Variants in DLG1 observed in about 807,000 individuals in gnomAD.
DLG1 encodes discs large MAGUK scaffold protein 1.
A neutral mutation model predicts 123.4 loss-of-function variants in DLG1; 42 were observed. That is an observed-to-expected ratio of 0.34 (90% CI 0.27 to 0.44). The LOEUF (loss-of-function observed/expected upper bound fraction) is 0.44, where lower values mean the gene tolerates loss of function less well. Ranked by LOEUF, DLG1 falls within the 20% of genes least tolerant of loss-of-function variation. DLG1 has a pLI of 1.00. For missense variants in DLG1, 942 were observed against 1,082.6 expected (o/e 0.87, Z 1.82); for synonymous variants, 317 against 356.2 (o/e 0.89, Z 1.24).
chr3:197,201,423 C>T (rs1725677998), intron 4 of DLG1, among the ~76,000 whole-genome samples: 1 of 152,066 alleles, frequency 6.6e-6, no homozygotes, highest in Admixed American at 6.5e-5. Flanking sequence ...AAAGACTCCA[C>T]CAAAAAAACT....
chr3:197,246,923 G>A lies in DLG1; in HGVS notation c.318+35756C>T, dbSNP rs1431350543. 3.9e-5 allele frequency among the ~76,000 whole-genome samples: 6 copies of A among 152,122 alleles called. No individual in the cohort carries two copies. In the East Asian group the frequency reaches 5.8e-4, roughly 15 times the overall value. ...GTTCACATTCCCAGACTATTATAGCGGCCCTATGGATCATGCTTCTTTCTT... is the reference window on the plus strand; with the variant it reads ...GTTCACATTCCCAGACTATTATAGCAGCCCTATGGATCATGCTTCTTTCTT... On this transcript the variant is annotated intron_variant, in intron 4 of 24. Coordinates refer to ENST00000667157, the MANE Select transcript of DLG1 (RefSeq NM_001366207.1).
chr3:197,295,750 C>T (rs1777113249), intron 3 of DLG1, among the ~76,000 whole-genome samples: 1 of 152,198 alleles, frequency 6.6e-6, no homozygotes, highest in African/African-American at 2.4e-5. Flanking sequence ...ATATATCATT[C>T]AATTAGTGGC....
At chr3:197,207,060 C>T (rs182957093) in intron 4 of DLG1, among the ~76,000 whole-genome samples, 9 of 152,340 alleles carry the variant, frequency 5.9e-5, no homozygotes, top group African/African-American at 2.2e-4. Flanking sequence ...TGATGTATGG[C>T]TGCTTTCTAG....
At chr3:197,084,793 G>GAT (rs1195718897) in intron 16 of DLG1, among the ~76,000 whole-genome samples, 2 of 150,752 alleles carry the variant, frequency 1.3e-5, no homozygotes, top group African/African-American at 4.9e-5. Context: ...TATAGATATA[G>GAT]ATATAGATAT....
chr3:197,136,447 T>C, intron 10 of DLG1, 95 bp downstream of exon 10: 2 of 994,382 alleles, frequency 2.0e-6, no homozygotes, highest in Non-Finnish European at 2.9e-6. Flanking sequence ...TTAAACATCA[T>C]TTAGACCTTT....
chr3:197,291,959 GA>G (rs894184260), intron 3 of DLG1, among the ~76,000 whole-genome samples: 2 of 152,068 alleles, frequency 1.3e-5, no homozygotes, highest in South Asian at 2.1e-4. Context: ...AAAAAGAAAG[GA>G]AAAAAATTAA....
chr3:197,049,341 C>CCAA (rs1341699619), intron 24 of DLG1, among the ~76,000 whole-genome samples: 1 of 152,070 alleles, frequency 6.6e-6, no homozygotes, highest in Admixed American at 6.5e-5. Flanking sequence ...AAACAAAAAG[C>CCAA]CAACAACAAC....
intron 4 of DLG1, among the ~76,000 whole-genome samples, chr3:197,254,471 T>A (rs917462903): frequency 1.3e-5 from 2 of 152,232 alleles, no homozygotes; most frequent in African/African-American, 2.4e-5. Flanking sequence ...CTGCTTCGCT[T>A]TCAATGGTTC....
chr3:197,227,388 T>C (rs1353176818), intron 4 of DLG1, among the ~76,000 whole-genome samples: 4 of 151,702 alleles, frequency 2.6e-5, no homozygotes, highest in African/African-American at 7.3e-5. Context: ...GGCAGGAGAA[T>C]AGCTTGAAAC....
intron 23 of DLG1, among the ~76,000 whole-genome samples, chr3:197,058,239 T>C (rs1733215976): frequency 6.6e-6 from 1 of 152,176 alleles, no homozygotes; most frequent in Non-Finnish European, 1.5e-5. Context: ...CTAGGCCTCC[T>C]GAAGTGTTGG....
rs1560285827 is a variant in DLG1 at position 197,046,898 on chromosome 3, CG to C, written c.2576-2170del. On this transcript the variant is annotated intron_variant, in intron 24 of 24. Transcript: ENST00000667157. ...AAAAAACAAAAGACAAAAAACAAAA[CG>C]AAACAAAAAACAAAACGAAACAAAA... is the stretch of plus-strand genomic sequence containing the variant. Among the ~76,000 whole-genome samples the C allele has an allele frequency of 9.3e-5, 12 of 128,838 alleles. 1 individual carries two copies. The highest frequency in any genetic ancestry group is 5.1e-4 in the African/African-American group (12 of 23,592). 84.5% of individuals were successfully genotyped at this position (128,838 alleles called of 152,430 possible).
chr3:197,172,828 G>T (rs529139372), intron 5 of DLG1, among the ~76,000 whole-genome samples: 1 of 152,300 alleles, frequency 6.6e-6, no homozygotes, highest in East Asian at 1.9e-4. Context: ...ATAATGAATT[G>T]CCTAATAATG....
At position 197,236,310 on chromosome 3, in the gene DLG1, C is replaced by T. The variant is rs142561612; in HGVS notation, c.319-41721G>A. ...CCTGGGCAACAGAGTGAGATCCTGT[C>T]TCAAAAATTAAAAAAAAGACAAAAT... On this transcript the variant is annotated intron_variant, in intron 4 of 24. Coordinates refer to ENST00000667157, the MANE Select transcript of DLG1 (RefSeq NM_001366207.1). Among the ~76,000 whole-genome samples the T allele has an allele frequency of 9.7e-3, 1,471 of 151,606 alleles. 18 individuals are homozygous for T. The highest frequency in any genetic ancestry group is 0.023 in the African/African-American group (951 of 41,126).
intron 4 of DLG1, among the ~76,000 whole-genome samples, chr3:197,269,405 CT>C (rs1394775295): frequency 6.6e-6 from 1 of 152,102 alleles, no homozygotes; most frequent in Non-Finnish European, 1.5e-5. Context: ...TACTGTATTT[CT>C]ATAGCTTTTT....
At chr3:197,085,357 T>A in intron 16 of DLG1, 1 of 499,994 alleles carries the variant, frequency 2.0e-6, no homozygotes, top group South Asian at 2.1e-5. Context: ...CATTTCCCCA[T>A]CCTCCTAACC....
intron 18 of DLG1, chr3:197,075,740 C>A (rs1455235371): frequency 1.6e-5 from 17 of 1,059,404 alleles, no homozygotes; most frequent in Non-Finnish European, 2.3e-5. Context: ...CCTCCTTATG[C>A]CAGAAAGGCA....
At position 197,101,376 on chromosome 3, in the gene DLG1, T is replaced by G. The variant is rs550719039; in HGVS notation, c.1546+3527A>C. Among the ~76,000 whole-genome samples, 54 of 151,434 alleles carry G rather than the reference T, an allele frequency of 3.6e-4. 1 individual carries two copies. The South Asian group carries it at 9.0e-3, about 25-fold the overall frequency. On this transcript the variant is annotated intron_variant, in intron 14 of 24. Coordinates refer to ENST00000667157, the MANE Select transcript of DLG1 (RefSeq NM_001366207.1). ...GGCGTACAGTTTTACTATTATATACTATCACAGGAGATTCTTTTTTTTTTT... is the reference window on the plus strand; with the variant it reads ...GGCGTACAGTTTTACTATTATATACGATCACAGGAGATTCTTTTTTTTTTT...
chr3:197,052,270 C>G (rs557660430), intron 23 of DLG1, among the ~76,000 whole-genome samples: 1 of 152,060 alleles, frequency 6.6e-6, no homozygotes, highest in Non-Finnish European at 1.5e-5. Flanking sequence ...GCCTGGCCAA[C>G]AAGACGAAAC....
chr3:197,123,602 G>A (rs906082395), intron 11 of DLG1, among the ~76,000 whole-genome samples: 1 of 152,142 alleles, frequency 6.6e-6, no homozygotes, highest in African/African-American at 2.4e-5. Flanking sequence ...TTAAAAAGAT[G>A]GATAATACCA....
Sources: allele counts gnomAD v4.1 joint callset (sites outside exome capture counted in the v4.1 genomes callset), GRCh38; gene constraint gnomAD v4.1.1; transcripts MANE v1.5; gene names NCBI Gene and HGNC (gene_info 2026-07-23, HGNC 2026-07-21).